The following PRUNE2 variants were observed in gnomAD, a reference collection of about 807,000 sequenced individuals.
The protein encoded by PRUNE2 is protein prune homolog 2.
PRUNE2 carries 164 observed loss-of-function variants against 252.0 expected under a neutral mutation model. The ratio of observed to expected loss-of-function variants is 0.65; its 90% CI spans 0.57 to 0.74. The LOEUF (loss-of-function observed/expected upper bound fraction) is 0.74, where lower values mean the gene tolerates loss of function less well. Among genes scored for constraint, PRUNE2 ranks in the 30% least tolerant of loss-of-function variants. The probability of loss-of-function intolerance (pLI) is 0.00; values close to 1 mark genes in which losing one functional copy is unlikely to be tolerated. For synonymous variants in PRUNE2, 1,292 were observed against 1,350.2 expected, an observed-to-expected ratio of 0.96 and a Z score of 0.94; for missense variants, 3,495 against 3,711.0, an observed-to-expected ratio of 0.94 and a Z score of 1.51.
intron 6 of PRUNE2, among the ~76,000 whole-genome samples, chr9:76,723,594 T>C (rs1202538470): frequency 6.6e-6 from 1 of 152,136 alleles, no homozygotes; most frequent in Non-Finnish European, 1.5e-5. Flanking sequence ...GCAATCATAA[T>C]AATGTCATCC....
At chr9:76,642,554 T>C (rs1032361281) in intron 12 of PRUNE2, among the ~76,000 whole-genome samples, 1 of 152,206 alleles carries the variant, frequency 6.6e-6, no homozygotes, top group African/African-American at 2.4e-5. Context: ...ACTTCTCTAC[T>C]GGCCCGAATG....
chr9:76,898,949 G>C (rs1421918377), intron 1 of PRUNE2, among the ~76,000 whole-genome samples: 1 of 152,212 alleles, frequency 6.6e-6, no homozygotes, highest in Non-Finnish European at 1.5e-5. Context: ...CTAGTTGGAC[G>C]AGAGGTCTGA....
Position 76,710,108 on chromosome 9 carries a change from C to G in PRUNE2, c.2166G>C (p.Gln722His), listed in dbSNP as rs558661494. ...GAATATCATTGCTACCCAGTTCAGG[C>G]TGACCAAATTCAGACTCCCAGGGAC... ...KSGPWESEFGQPELGSNDIQD... is the reference protein window; with the variant it reads ...KSGPWESEFGHPELGSNDIQD... The change falls in exon 8 of 19, where the codon CAG becomes CAC. Residue 722 changes from glutamine to histidine, a missense_variant. Transcript: ENST00000376718. 6.2e-7 allele frequency: 1 copy of G among 1,613,956 alleles called. No individual in the cohort carries two copies. The highest frequency in any genetic ancestry group is 1.3e-5 in the African/African-American group (1 of 75,024).
At chr9:76,882,201 G>A (rs1002412054) in intron 1 of PRUNE2, among the ~76,000 whole-genome samples, 8 of 151,874 alleles carry the variant, frequency 5.3e-5, no homozygotes, top group South Asian at 4.1e-4. Context: ...TACAGATTTC[G>A]TGTACAAATT....
intron 6 of PRUNE2, among the ~76,000 whole-genome samples, chr9:76,748,247 C>A (rs1399929977): frequency 6.6e-6 from 1 of 152,108 alleles, no homozygotes; most frequent in African/African-American, 2.4e-5. Context: ...AATGCAAAAT[C>A]CTTTATTTTT....
chr9:76,637,606 A>G, intron 13 of PRUNE2, 57 bp from the exon 14 acceptor site: 2 of 1,482,786 alleles, frequency 1.3e-6, no homozygotes, highest in Non-Finnish European at 1.9e-6. Flanking sequence ...TGACACCATA[A>G]TTACATAACA....
intron 2 of PRUNE2, among the ~76,000 whole-genome samples, chr9:76,851,917 T>A (rs1020134197): frequency 2.0e-5 from 3 of 152,128 alleles, no homozygotes; most frequent in Non-Finnish European, 4.4e-5. Flanking sequence ...ACAGCAATAA[T>A]CCTAACTATC....
chr9:76,655,375 T>G, intron 10 of PRUNE2, 48 bp downstream of exon 10: 1 of 1,303,224 alleles, frequency 7.7e-7, no homozygotes, highest in Middle Eastern at 1.8e-4. Context: ...AATGAAAACG[T>G]TGGGATACAG....
At chr9:76,648,501 T>G (rs567494474) in intron 11 of PRUNE2, among the ~76,000 whole-genome samples, 1 of 152,272 alleles carries the variant, frequency 6.6e-6, no homozygotes, top group East Asian at 1.9e-4. Context: ...AGAAATGATC[T>G]TTCAAGCCAT....
intron 6 of PRUNE2, among the ~76,000 whole-genome samples, chr9:76,774,343 G>T (rs1042308399): frequency 4.6e-5 from 7 of 151,720 alleles, no homozygotes; most frequent in Non-Finnish European, 1.0e-4. Context: ...TCACCATGTT[G>T]CCCAGGCTGG....
chr9:76,752,330 C>G (rs1302188809), intron 6 of PRUNE2, among the ~76,000 whole-genome samples: 1 of 152,236 alleles, frequency 6.6e-6, no homozygotes, highest in Admixed American at 6.5e-5. Context: ...ATCTCCTGAC[C>G]TCGTGATCCA....
At chr9:76,874,136 G>A (rs2061362081) in intron 1 of PRUNE2, among the ~76,000 whole-genome samples, 1 of 152,100 alleles carries the variant, frequency 6.6e-6, no homozygotes, top group African/African-American at 2.4e-5. Flanking sequence ...GGCTTTGGTG[G>A]CTCCATTATT....
At chr9:76,821,848 G>A (rs577593995) in intron 6 of PRUNE2, among the ~76,000 whole-genome samples, 1 of 152,030 alleles carries the variant, frequency 6.6e-6, no homozygotes, top group South Asian at 2.1e-4. Context: ...TATAAATTGA[G>A]GTACATTAAA....
At chr9:76,734,639 C>A (rs1268812226) in intron 6 of PRUNE2, among the ~76,000 whole-genome samples, 1 of 152,140 alleles carries the variant, frequency 6.6e-6, no homozygotes, top group Non-Finnish European at 1.5e-5. Context: ...CAGATTGTCA[C>A]AGACATAAGC....
chr9:76,667,965 G>C (rs191662699), intron 9 of PRUNE2, among the ~76,000 whole-genome samples: 65 of 152,298 alleles, frequency 4.3e-4, no homozygotes, highest in Non-Finnish European at 1.5e-4. Flanking sequence ...GGTAGCGTAG[G>C]GGGAGGTTTG....
At chr9:76,684,834 C>A (rs2134299326) in intron 9 of PRUNE2, among the ~76,000 whole-genome samples, 1 of 151,938 alleles carries the variant, frequency 6.6e-6, no homozygotes, top group Middle Eastern at 3.4e-3. Context: ...TCACTGAAAC[C>A]TCCACCTCCC....
intron 1 of PRUNE2, among the ~76,000 whole-genome samples, chr9:76,883,610 A>G (rs1429104233): frequency 6.6e-6 from 1 of 152,204 alleles, no homozygotes; most frequent in African/African-American, 2.4e-5. Flanking sequence ...TTTCCATTAT[A>G]CTGCCTCTTG....
At chr9:76,656,600 T>C (rs1170989697) in intron 9 of PRUNE2, among the ~76,000 whole-genome samples, 1 of 152,196 alleles carries the variant, frequency 6.6e-6, no homozygotes, top group East Asian at 1.9e-4. Flanking sequence ...TAGCGATTAC[T>C]GCATTTGCTT....
At chr9:76,639,808 G>A (rs761414425) in intron 12 of PRUNE2, among the ~76,000 whole-genome samples, 3 of 152,294 alleles carry the variant, frequency 2.0e-5, no homozygotes, top group Non-Finnish European at 4.4e-5. Flanking sequence ...TGGGAAATGC[G>A]GAAAGTGTGG....
Sources: gnomAD v4.1 joint callset for allele counts (sites outside exome capture counted in the v4.1 genomes callset) on GRCh38, gnomAD v4.1.1 for gene constraint, MANE v1.5 for transcripts, NCBI Gene and HGNC (gene_info 2026-07-23, HGNC 2026-07-21) for gene names.